GABRA5: variants seen among roughly 807,000 people sequenced by gnomAD.
The protein encoded by GABRA5 is gamma-aminobutyric acid receptor subunit alpha-5.
In GABRA5, 18 loss-of-function variants were observed where a neutral mutation model predicts 47.3. The observed-to-expected ratio is 0.38, with a 90% CI of 0.26 to 0.56. The LOEUF is 0.56. GABRA5 is among the 20% of genes least tolerant of loss of function. GABRA5 has a pLI of 0.71. For synonymous variants in GABRA5, 237 were observed against 229.3 expected (o/e 1.03, Z -0.30); for missense variants, 365 against 599.3 (o/e 0.61, Z 4.08).
intron 7 of GABRA5, among the ~76,000 whole-genome samples, chr15:26,920,116 A>G (rs1390698453): frequency 6.6e-6 from 1 of 151,766 alleles, no homozygotes; most frequent in Non-Finnish European, 1.5e-5. Flanking sequence ...TACTTCCTAG[A>G]TCTGTTTCTC....
chr15:26,895,190 A>C, intron 6 of GABRA5, among the ~76,000 whole-genome samples: 2 of 142,506 alleles, frequency 1.4e-5, no homozygotes, highest in African/African-American at 2.6e-5. Context: ...CGCCCCCTTC[A>C]CCCTTCAGTC....
At chr15:26,915,348 A>T (rs954411233) in intron 7 of GABRA5, among the ~76,000 whole-genome samples, 2 of 152,248 alleles carry the variant, frequency 1.3e-5, no homozygotes, top group African/African-American at 4.8e-5. Flanking sequence ...GTTCATAGTC[A>T]GTGCTCACCC....
intron 7 of GABRA5, among the ~76,000 whole-genome samples, chr15:26,918,515 G>T (rs142857407): frequency 0.022 from 3,388 of 152,186 alleles, 124 homozygotes; most frequent in African/African-American, 0.077. Context: ...TTGATGTTCT[G>T]TCTGGTTGTT....
At chr15:26,891,577 G>T (rs949976042) in intron 6 of GABRA5, among the ~76,000 whole-genome samples, 2 of 152,180 alleles carry the variant, frequency 1.3e-5, no homozygotes, top group Non-Finnish European at 1.5e-5. Flanking sequence ...AAGACTGACA[G>T]GAGGGCATTC....
At chr15:26,895,422 T>A (rs2140273571) in intron 6 of GABRA5, among the ~76,000 whole-genome samples, 1 of 152,150 alleles carries the variant, frequency 6.6e-6, no homozygotes. Flanking sequence ...TGGGGTGCAA[T>A]CCGAACTCCG....
chr15:26,877,463 T>G (rs1892626206), intron 3 of GABRA5, among the ~76,000 whole-genome samples: 1 of 152,168 alleles, frequency 6.6e-6, no homozygotes, highest in South Asian at 2.1e-4. Flanking sequence ...GAACAAAGTT[T>G]AAGAAGACAG....
intron 4 of GABRA5, among the ~76,000 whole-genome samples, chr15:26,881,767 TCGGCTCA>T: frequency 6.6e-6 from 1 of 152,194 alleles, no homozygotes; most frequent in East Asian, 1.9e-4. Flanking sequence ...TGGCATGATC[TCGGCTCA>T]CTGCAACCTC....
At chr15:26,946,172 C>G (rs1372929598) in intron 10 of GABRA5, among the ~76,000 whole-genome samples, 3 of 152,158 alleles carry the variant, frequency 2.0e-5, no homozygotes, top group Non-Finnish European at 4.4e-5. Context: ...TGCTTTTTAT[C>G]TTTTCTTTAT....
At chr15:26,947,861 C>T (rs1229684216) in intron 10 of GABRA5, 73 bp from the exon 11 acceptor site, 19 of 1,347,226 alleles carry the variant, frequency 1.4e-5, no homozygotes, top group Non-Finnish European at 1.9e-5. Flanking sequence ...GAGAGGTATA[C>T]CTTTAGAACT....
In GABRA5 at chr15:26,883,107, A is replaced by G. The variant is rs73363996; in HGVS notation, c.209-59A>G. 16,879 of 1,368,684 alleles carry G rather than the reference A, an allele frequency of 0.012. 1,159 individuals are homozygous for G. The African/African-American group carries it at 0.17, about 14-fold the overall frequency. 84.8% of individuals were successfully genotyped at this position (1,368,684 alleles called of 1,614,324 possible). A position where few individuals can be genotyped will look rare whatever the true frequency, so the allele number is the denominator to read the frequency against. ...CTGGTTACTGGACTGAGAGCACGAG[A>G]GTGTGCCAGACGCGCAGGGTGGGTC... On this transcript the variant is annotated intron_variant, in intron 4 of 10. Coordinates refer to ENST00000335625, the MANE Select transcript of GABRA5 (RefSeq NM_000810.4). This position sits in a 1 kb window ranked among gnomAD's most constrained non-coding sequence, Gnocchi z 4.8.
chr15:26,886,376 T>C (rs2140260701), intron 6 of GABRA5, among the ~76,000 whole-genome samples: 1 of 152,276 alleles, frequency 6.6e-6, no homozygotes, highest in African/African-American at 2.4e-5. Flanking sequence ...CTCTGAAGCA[T>C]TGTTGTCTGA....
At chr15:26,937,591 A>G (rs1345280274) in intron 8 of GABRA5, among the ~76,000 whole-genome samples, 2 of 152,136 alleles carry the variant, frequency 1.3e-5, no homozygotes, top group Non-Finnish European at 2.9e-5. Flanking sequence ...ACCTGCTTAT[A>G]TAACACCCCC....
intron 7 of GABRA5, among the ~76,000 whole-genome samples, chr15:26,925,387 T>G (rs977247392): frequency 6.6e-6 from 1 of 152,214 alleles, no homozygotes; most frequent in African/African-American, 2.4e-5. Flanking sequence ...ACTGATTATT[T>G]CTTCAGTCAT....
intron 7 of GABRA5, among the ~76,000 whole-genome samples, chr15:26,927,196 C>T (rs568538457): frequency 4.5e-4 from 68 of 151,976 alleles, no homozygotes; most frequent in African/African-American, 1.5e-3. Flanking sequence ...CTCCCCCTCC[C>T]GGGTTCAAGG....
At chr15:26,936,090 C>G (rs554936060) in intron 7 of GABRA5, among the ~76,000 whole-genome samples, 1 of 152,162 alleles carries the variant, frequency 6.6e-6, no homozygotes, top group South Asian at 2.1e-4. Context: ...GTTTTATAAG[C>G]GTCTGGCATT....
chr15:26,888,867 C>T (rs968096415), intron 6 of GABRA5, among the ~76,000 whole-genome samples: 5 of 152,186 alleles, frequency 3.3e-5, no homozygotes, highest in East Asian at 1.9e-4. Flanking sequence ...CAAGTCCCCC[C>T]GGTAGGCTCT....
chr15:26,869,414 C>A, intron 3 of GABRA5, 80 bp downstream of exon 3: 1 of 874,208 alleles, frequency 1.1e-6, no homozygotes, highest in Non-Finnish European at 2.0e-6. Context: ...GCAGCACATC[C>A]ATTGAGCAAG....
intron 6 of GABRA5, among the ~76,000 whole-genome samples, chr15:26,908,829 T>C (rs576644123): frequency 6.6e-6 from 1 of 152,240 alleles, no homozygotes; most frequent in Non-Finnish European, 1.5e-5. Flanking sequence ...TATTTCATTA[T>C]CAAAGTCTGA....
chr15:26,881,778 C>T (rs1181728666), intron 4 of GABRA5, among the ~76,000 whole-genome samples: 1 of 152,200 alleles, frequency 6.6e-6, no homozygotes, highest in Non-Finnish European at 1.5e-5. Flanking sequence ...CGGCTCACTG[C>T]AACCTCTGCC....
Sources: allele counts gnomAD v4.1 joint callset (sites outside exome capture counted in the v4.1 genomes callset), GRCh38; gene constraint gnomAD v4.1.1; non-coding constraint Gnocchi (gnomAD v3.1); transcripts MANE v1.5; gene names NCBI Gene and HGNC (gene_info 2026-07-23, HGNC 2026-07-21).